The following RNF11 variants were observed in gnomAD, a reference collection of about 807,000 sequenced individuals.
The protein encoded by RNF11 is ring finger protein 11.
In RNF11, 4 loss-of-function variants were observed where a neutral mutation model predicts 15.8. That is an observed-to-expected ratio of 0.25 (90% confidence interval 0.12 to 0.58). RNF11 has a LOEUF of 0.58. RNF11 is among the 20% of genes least tolerant of loss of function. The pLI, the probability that RNF11 is intolerant of heterozygous loss-of-function variation, is 0.91. For missense variants in RNF11, 139 were observed against 194.4 expected, an observed-to-expected ratio of 0.71 and a Z score of 1.70; for synonymous variants, 68 against 72.3, an observed-to-expected ratio of 0.94 and a Z score of 0.30.
intron 1 of RNF11, among the ~76,000 whole-genome samples, chr1:51,254,647 G>C (rs989996308): frequency 4.6e-5 from 7 of 152,094 alleles, no homozygotes; most frequent in African/African-American, 1.7e-4. Flanking sequence ...ATTTTTAGTA[G>C]AGAGGGGATT....
At chr1:51,242,854 A>C (rs72896459) in intron 1 of RNF11, among the ~76,000 whole-genome samples, 3,205 of 152,280 alleles carry the variant, frequency 0.021, 95 homozygotes, top group African/African-American at 0.065. Context: ...ATTTTGTTTA[A>C]CATTTGGGTG....
At chr1:51,260,045 A>G (rs975324184) in intron 1 of RNF11, among the ~76,000 whole-genome samples, 1 of 152,214 alleles carries the variant, frequency 6.6e-6, no homozygotes, top group Non-Finnish European at 1.5e-5. Flanking sequence ...GTTAGGTCCT[A>G]TGAATTAGGA....
At chr1:51,254,412 G>A (rs1165504085) in intron 1 of RNF11, among the ~76,000 whole-genome samples, 8 of 152,168 alleles carry the variant, frequency 5.3e-5, no homozygotes, top group African/African-American at 1.7e-4. Flanking sequence ...AGCCTCCCGA[G>A]TAGCTGGGAC....
At position 51,269,907 on chromosome 1, in the gene RNF11, G is replaced by A. The variant is rs753001406; in HGVS notation, c.124-49G>A. ...ATCTCTGACCAAAAAATAAGCCCTC[G>A]AAAGGTTTTTAAAAAATAATCTTTT... On this transcript the variant is annotated intron_variant, in intron 1 of 2. Transcript: ENST00000242719. The A allele has an allele frequency of 3.7e-5, 56 of 1,533,772 alleles. No individual in the cohort carries two copies. The East Asian group carries it at 5.8e-4, about 16-fold the overall frequency.
chr1:51,270,855 C>G (rs933432071), intron 2 of RNF11, among the ~76,000 whole-genome samples: 3 of 152,188 alleles, frequency 2.0e-5, no homozygotes, highest in Admixed American at 2.0e-4. Flanking sequence ...CAGGTATCTG[C>G]TATAATATGT....
chr1:51,251,746 G>A (rs1346298633), intron 1 of RNF11, among the ~76,000 whole-genome samples: 2 of 151,994 alleles, frequency 1.3e-5, no homozygotes, highest in Non-Finnish European at 2.9e-5. Context: ...GAGACAGCCT[G>A]GGCAGGAGAG....
rs1646987339 is a variant in RNF11, at chr1:51,273,139, C to T, written c.*1817C>T. On this transcript the variant is annotated 3_prime_UTR_variant, in exon 3 of 3. Coordinates refer to ENST00000242719, the MANE Select transcript of RNF11 (RefSeq NM_014372.5). ...GTTGTGCAATATTTTCTGATAATTGCTTTTTTTATTCTTGTGTTTTCTACT... is the reference window on the plus strand; with the variant it reads ...GTTGTGCAATATTTTCTGATAATTGTTTTTTTTATTCTTGTGTTTTCTACT... 1 of 152,040 alleles carries T rather than the reference C, an allele frequency of 6.6e-6. No individual in the cohort carries two copies. Among genetic ancestry groups the T allele is most frequent in the African/African-American group, 2.4e-5 (1 of 41,428 alleles). The allele number at this position is 152,040 out of a possible 1,614,324, so 9.4% of individuals were successfully genotyped here. A position where few individuals can be genotyped will look rare whatever the true frequency, so the allele number is the denominator to read the frequency against.
chr1:51,263,198 G>A (rs1646938674), intron 1 of RNF11, among the ~76,000 whole-genome samples: 1 of 152,076 alleles, frequency 6.6e-6, no homozygotes, highest in Admixed American at 6.6e-5. Context: ...ATGAAAACAT[G>A]TACAAAAACT....
intron 1 of RNF11, among the ~76,000 whole-genome samples, chr1:51,242,325 C>CTTTTTTT (rs57821900): frequency 1.1e-3 from 138 of 131,128 alleles, no homozygotes; most frequent in African/African-American, 3.9e-3. Flanking sequence ...TTCAAGATAC[C>CTTTTTTT]TTTTTTTTTT....
Position 51,270,058 on chromosome 1 carries a change from C to G in RNF11, c.226C>G (p.Leu76Val). The change falls in exon 2 of 3, where the codon CTT becomes GTT. Residue 76 changes from leucine (L) to valine (V), a missense_variant. Coordinates refer to ENST00000242719, the MANE Select transcript of RNF11 (RefSeq NM_014372.5). ...EQIRIAQRIG[L>V]IQHLPKGVYD... Reference sequence around the variant, plus strand: ...AATTAGGATAGCTCAAAGAATAGGTCTTATACAACATCTGCCTAAAGGAGT... The same window carrying G: ...AATTAGGATAGCTCAAAGAATAGGTGTTATACAACATCTGCCTAAAGGAGT... 1 of 1,613,586 alleles carries G rather than the reference C, an allele frequency of 6.2e-7. No individual in the cohort carries two copies. The highest frequency in any genetic ancestry group is 8.5e-7 in the Non-Finnish European group (1 of 1,179,708).
At chr1:51,239,360 GT>G (rs1296259929) in intron 1 of RNF11, among the ~76,000 whole-genome samples, 2 of 152,170 alleles carry the variant, frequency 1.3e-5, no homozygotes, top group Non-Finnish European at 2.9e-5. Context: ...GACAGTGGGA[GT>G]TTTTTATGGT....
intron 1 of RNF11, among the ~76,000 whole-genome samples, chr1:51,264,287 A>AAAAAATATATATAT (rs1557682286): frequency 3.1e-5 from 1 of 32,522 alleles, no homozygotes; most frequent in African/African-American, 1.0e-4. Context: ...AAAAAAAAAA[A>AAAAAATATATATAT]ATATATATAT....
intron 1 of RNF11, among the ~76,000 whole-genome samples, chr1:51,241,849 C>T (rs954011344): frequency 1.3e-5 from 2 of 152,162 alleles, no homozygotes; most frequent in African/African-American, 4.8e-5. Context: ...GGCAGCCCAG[C>T]CCTGAAAGGC....
In RNF11 at chr1:51,258,642, A is replaced by C. The variant is rs565955970; in HGVS notation, c.124-11314A>C. On this transcript the variant is annotated intron_variant, in intron 1 of 2. Coordinates refer to ENST00000242719, the MANE Select transcript of RNF11 (RefSeq NM_014372.5). Reference sequence around the variant, plus strand: ...TATCAGAAATACCCATATGTATAACATCTCTTTTTTCATTTGGAAGTAAAC... The same window carrying C: ...TATCAGAAATACCCATATGTATAACCTCTCTTTTTTCATTTGGAAGTAAAC... Among the ~76,000 whole-genome samples, 14 of 152,350 alleles carry C rather than the reference A, an allele frequency of 9.2e-5. No homozygotes were observed. In the South Asian group the frequency reaches 2.9e-3, roughly 32 times the overall value.
At chr1:51,250,481 G>A (rs905345311) in intron 1 of RNF11, 8 of 483,342 alleles carry the variant, frequency 1.7e-5, no homozygotes, top group Admixed American at 1.5e-4. Flanking sequence ...GTTGAATAGC[G>A]TGGGTCCACT....
chr1:51,248,517 C>G (rs748233883), intron 1 of RNF11, among the ~76,000 whole-genome samples: 4 of 152,122 alleles, frequency 2.6e-5, no homozygotes, highest in Non-Finnish European at 5.9e-5. Flanking sequence ...TTTCTTCTAT[C>G]AGTTAGCAAG....
At chr1:51,241,559 G>A (rs1015412749) in intron 1 of RNF11, among the ~76,000 whole-genome samples, 5 of 152,182 alleles carry the variant, frequency 3.3e-5, no homozygotes, top group African/African-American at 9.7e-5. Flanking sequence ...ATATATCACC[G>A]CAAGATATTT....
chr1:51,245,152 C>CG (rs900452728), intron 1 of RNF11, among the ~76,000 whole-genome samples: 1 of 152,162 alleles, frequency 6.6e-6, no homozygotes, highest in African/African-American at 2.4e-5. Flanking sequence ...CTCAACCTCA[C>CG]GGGCCCAAGC....
Position 51,240,464 on chromosome 1 carries a change from C to T in RNF11, c.123+3585C>T, listed in dbSNP as rs542604061. Among the ~76,000 whole-genome samples the T allele has an allele frequency of 2.0e-5, 3 of 152,236 alleles. No homozygotes were observed. In the South Asian group the frequency reaches 6.2e-4, roughly 32 times the overall value. On this transcript the variant is annotated intron_variant, in intron 1 of 2. Coordinates refer to ENST00000242719, the MANE Select transcript of RNF11 (RefSeq NM_014372.5). ...ACCCTGTTGTTTTCCCCCCCAATAC[C>T]ATTTATTACATTCCAACATGTGTTA...
Sources: allele counts gnomAD v4.1 joint callset (sites outside exome capture counted in the v4.1 genomes callset), GRCh38; gene constraint gnomAD v4.1.1; transcripts MANE v1.5; gene names NCBI Gene and HGNC (gene_info 2026-07-23, HGNC 2026-07-21).